Variants in ZNF438 observed in about 807,000 individuals in gnomAD.
ZNF438 encodes zinc finger protein 438.
ZNF438 carries 25 observed loss-of-function variants against 38.0 expected under a neutral mutation model. The ratio of observed to expected loss-of-function variants is 0.66; its 90% CI spans 0.48 to 0.92. The LOEUF is 0.92. Among genes scored for constraint, ZNF438 ranks in the 40% least tolerant of loss-of-function variants. The pLI is 0.00. For missense variants in ZNF438, 1,007 were observed against 999.6 expected, an observed-to-expected ratio of 1.01 and a Z score of -0.10; for synonymous variants, 372 against 364.1, an observed-to-expected ratio of 1.02 and a Z score of -0.25.
intron 1 of ZNF438, among the ~76,000 whole-genome samples, chr10:30,953,964 T>C (rs2048565045): frequency 6.6e-6 from 1 of 151,940 alleles, no homozygotes; most frequent in Admixed American, 6.6e-5. Context: ...CAACATGGTG[T>C]AATCCCTTCT....
intron 1 of ZNF438, among the ~76,000 whole-genome samples, chr10:31,007,023 T>C (rs1445988908): frequency 6.6e-6 from 1 of 151,926 alleles, no homozygotes; most frequent in African/African-American, 2.4e-5. Context: ...GACAAAAGAA[T>C]TAAAACCAGA....
At chr10:30,846,501 T>G (rs73254331) in intron 5 of ZNF438, among the ~76,000 whole-genome samples, 7,749 of 152,268 alleles carry the variant, frequency 0.051, 647 homozygotes, top group African/African-American at 0.18. Context: ...CACTAGGGCA[T>G]GCAGGAGTGG....
chr10:30,969,550 A>T (rs2050518792), intron 1 of ZNF438, among the ~76,000 whole-genome samples: 1 of 152,294 alleles, frequency 6.6e-6, no homozygotes, highest in East Asian at 1.9e-4. Flanking sequence ...GGGAAGGAAA[A>T]TTTTAAACAA....
chr10:30,961,835 C>A (rs1294632673), intron 1 of ZNF438, among the ~76,000 whole-genome samples: 1 of 143,208 alleles, frequency 7.0e-6, no homozygotes, highest in African/African-American at 2.5e-5. Flanking sequence ...TTGCAGTGGG[C>A]CGAGATTGCA....
chr10:30,940,961 G>A (rs187837937), intron 2 of ZNF438, among the ~76,000 whole-genome samples: 5 of 152,186 alleles, frequency 3.3e-5, no homozygotes, highest in African/African-American at 4.8e-5. Context: ...GCATTGTTTG[G>A]CACTTAGGAC....
At chr10:30,861,713 A>G (rs1019886678) in intron 4 of ZNF438, among the ~76,000 whole-genome samples, 2 of 152,042 alleles carry the variant, frequency 1.3e-5, no homozygotes, top group Non-Finnish European at 2.9e-5. Context: ...ATTGTTTTTG[A>G]TTTGGAATGC....
chr10:30,991,800 G>A (rs1197657626), intron 1 of ZNF438, among the ~76,000 whole-genome samples: 1 of 152,178 alleles, frequency 6.6e-6, no homozygotes, highest in Non-Finnish European at 1.5e-5. Flanking sequence ...GCCCAAGTGG[G>A]AGGCTGCATC....
intron 1 of ZNF438, among the ~76,000 whole-genome samples, chr10:30,962,356 CAT>C (rs1414281606): frequency 6.8e-6 from 1 of 147,322 alleles, no homozygotes; most frequent in African/African-American, 2.4e-5. Context: ...TAGAAAAAGA[CAT>C]AAGCAACACA....
At chr10:30,850,505 G>A in intron 4 of ZNF438, 138 bp from the exon 6 acceptor site, 1 of 912,132 alleles carries the variant, frequency 1.1e-6, no homozygotes, top group Non-Finnish European at 1.6e-6. Context: ...AAAATCTTGT[G>A]TCCCTCAAGA....
chr10:30,908,290 C>T (rs2042770554), intron 3 of ZNF438, among the ~76,000 whole-genome samples: 1 of 152,086 alleles, frequency 6.6e-6, no homozygotes, highest in African/African-American at 2.4e-5. Flanking sequence ...ATTTTATGTC[C>T]TAATAATCTA....
rs7089155 is a variant in ZNF438 at position 30,900,686 on chromosome 10, G to A, written c.-32+8247C>T. On this transcript the variant is annotated intron_variant, in intron 3 of 5. Coordinates refer to ENST00000413025, the Ensembl canonical transcript of ZNF438. ...GCTCACCCAGCTAGTAAAATGTGGAGCTGAGGTTTGAAGACACGTACTGGG... is the reference window on the plus strand; with the variant it reads ...GCTCACCCAGCTAGTAAAATGTGGAACTGAGGTTTGAAGACACGTACTGGG... Among the ~76,000 whole-genome samples the A allele has an allele frequency of 3.8e-3, 586 of 152,306 alleles. 6 individuals are homozygous for A. Among genetic ancestry groups the A allele is most frequent in the African/African-American group, 0.013 (543 of 41,562 alleles).
chr10:30,853,345 T>G (rs1344832262), intron 4 of ZNF438, among the ~76,000 whole-genome samples: 3 of 152,176 alleles, frequency 2.0e-5, no homozygotes, highest in Non-Finnish European at 4.4e-5. Flanking sequence ...GCTCTTCATC[T>G]CAGAGTAAAG....
intron 1 of ZNF438, among the ~76,000 whole-genome samples, chr10:30,998,193 T>C (rs2054248848): frequency 6.6e-6 from 1 of 152,096 alleles, no homozygotes; most frequent in Non-Finnish European, 1.5e-5. Context: ...GAAACTCATA[T>C]AGATCCATTT....
intron 2 of ZNF438, among the ~76,000 whole-genome samples, chr10:30,909,388 T>C (rs760256885): frequency 1.3e-5 from 2 of 152,184 alleles, no homozygotes; most frequent in Non-Finnish European, 2.9e-5. Flanking sequence ...ACTTGGACAA[T>C]AGGAAAATTA....
rs57227374 is a variant in ZNF438 at position 30,902,993 on chromosome 10, C to CA, written c.-32+5939_-32+5940insT. Reference sequence around the variant, plus strand: ...ACCGGGGAGAAATCGAGCGCAGCGCCGCACTGCTGGGGGACCGGATGCACC... The same window carrying CA: ...ACCGGGGAGAAATCGAGCGCAGCGCCAGCACTGCTGGGGGACCGGATGCACC... On this transcript the variant is annotated intron_variant, in intron 3 of 5. Transcript: ENST00000413025. Among the ~76,000 whole-genome samples the CA allele has an allele frequency of 8.7e-4, 132 of 151,752 alleles. 1 individual carries two copies. Among genetic ancestry groups the CA allele is most frequent in the South Asian group, 3.7e-3 (18 of 4,826 alleles).
exon 6 of ZNF438, chr10:30,844,826 G>A: frequency 8.8e-7 from 1 of 1,131,188 alleles, no homozygotes; most frequent in South Asian, 1.6e-5. Flanking sequence ...ATAAAACCAT[G>A]TACAAAAATC....
Position 30,909,021 on chromosome 10 carries a change from A to G in ZNF438, c.-114-6T>C, listed in dbSNP as rs2042836090. ...GCGTACTTTCTTCAACATACCTAAA[A>G]AAAGAAAACTGGATTTACAAACTTT... is the stretch of plus-strand genomic sequence containing the variant. On this transcript the variant is annotated splice_polypyrimidine_tract_variant and splice_region_variant and intron_variant, in intron 2 of 5. Coordinates refer to ENST00000413025, the Ensembl canonical transcript of ZNF438. 1 of 152,208 alleles carries G rather than the reference A, an allele frequency of 6.6e-6. No individual in the cohort carries two copies. Among genetic ancestry groups the G allele is most frequent in the Non-Finnish European group, 1.5e-5 (1 of 68,014 alleles). 9.4% of individuals were successfully genotyped at this position (152,208 alleles called of 1,614,324 possible). A position where few individuals can be genotyped will look rare whatever the true frequency, so the allele number is the denominator to read the frequency against.
rs1187473076 is a variant in ZNF438, at chr10:30,852,166, C to CA, written c.38-1800dup. Among the ~76,000 whole-genome samples, 189 of 140,100 alleles carry CA rather than the reference C, an allele frequency of 1.3e-3. 1 individual carries two copies. Among genetic ancestry groups the CA allele is most frequent in the African/African-American group, 4.2e-3 (161 of 38,200 alleles). 91.9% of individuals were successfully genotyped at this position (140,100 alleles called of 152,430 possible). On this transcript the variant is annotated intron_variant, in intron 4 of 5. Coordinates refer to ENST00000413025, the Ensembl canonical transcript of ZNF438. ...CAACAGTCTGAGCGAGACTCCGTCT[C>CA]AAAAAAAAAAGAAAAGAAAATGTAA... is the stretch of plus-strand genomic sequence containing the variant.
intron 4 of ZNF438, among the ~76,000 whole-genome samples, chr10:30,874,225 T>G (rs889777282): frequency 1.2e-4 from 18 of 149,094 alleles, no homozygotes; most frequent in African/African-American, 4.3e-4. Context: ...CATAGCTCAC[T>G]GCAGCCTCAA....
Sources: gnomAD v4.1 joint callset for allele counts (sites outside exome capture counted in the v4.1 genomes callset) on GRCh38, gnomAD v4.1.1 for gene constraint, MANE v1.5 for transcripts, NCBI Gene and HGNC (gene_info 2026-07-23, HGNC 2026-07-21) for gene names.